Variants in DLGAP4 observed in about 807,000 individuals in gnomAD.
DLGAP4 encodes DLG associated protein 4, also known as disks large-associated protein 4.
A neutral mutation model predicts 86.9 loss-of-function variants in DLGAP4; 18 were observed. The observed-to-expected ratio is 0.21, with a 90% CI of 0.14 to 0.31. DLGAP4 has a LOEUF of 0.31. Among genes scored for constraint, DLGAP4 ranks in the 10% least tolerant of loss-of-function variants. The pLI, the probability that DLGAP4 is intolerant of heterozygous loss-of-function variation, is 1.00. For synonymous variants in DLGAP4, 548 were observed against 574.3 expected, an observed-to-expected ratio of 0.95 and a Z score of 0.65; for missense variants, 1,085 against 1,362.6, an observed-to-expected ratio of 0.80 and a Z score of 3.21.
chr20:36,386,512 A>G (rs2031603715), intron 2 of DLGAP4, among the ~76,000 whole-genome samples: 1 of 151,976 alleles, frequency 6.6e-6, no homozygotes, highest in Non-Finnish European at 1.5e-5. Context: ...AAAGAAGGAA[A>G]TACTAAAAGG....
At chr20:36,481,711 G>T (rs2035194207) in intron 7 of DLGAP4, among the ~76,000 whole-genome samples, 1 of 152,182 alleles carries the variant, frequency 6.6e-6, no homozygotes, top group South Asian at 2.1e-4. Context: ...GAATGGGGTG[G>T]AGTTGAGACT....
chr20:36,330,221 G>A (rs2065253839), intron 1 of DLGAP4, among the ~76,000 whole-genome samples: 1 of 152,290 alleles, frequency 6.6e-6, no homozygotes. Flanking sequence ...GCCTTTGAAG[G>A]AGTGAGGAGC....
chr20:36,378,624 A>G (rs1569478577), intron 2 of DLGAP4, among the ~76,000 whole-genome samples: 2 of 151,954 alleles, frequency 1.3e-5, no homozygotes, highest in African/African-American at 2.4e-5. Context: ...AGACACACGC[A>G]CATGCATGCA....
chr20:36,525,248 AAAAAAAC>A lies in DLGAP4; in HGVS notation c.2605-599_2605-593del, dbSNP rs1569527319. Among the ~76,000 whole-genome samples the A allele has an allele frequency of 2.4e-3, 176 of 72,672 alleles. 30 individuals are homozygous for A. The highest frequency in any genetic ancestry group is 7.8e-3 in the Admixed American group (50 of 6,428). The allele number at this position is 72,672 out of a possible 152,430, so 47.7% of individuals were successfully genotyped here. ...AAAAAAAAAAAAAAAAAAAAAAAAA[AAAAAAAC>A]AAAGAAATCCCACTGCTGGGATTGG... On this transcript the variant is annotated intron_variant, in intron 11 of 12. Coordinates refer to ENST00000339266, the MANE Select transcript of DLGAP4 (RefSeq NM_001365621.2).
intron 2 of DLGAP4, among the ~76,000 whole-genome samples, chr20:36,388,947 G>T (rs1306620294): frequency 4.6e-5 from 7 of 152,192 alleles, no homozygotes; most frequent in African/African-American, 1.7e-4. Flanking sequence ...AAACTAGGAT[G>T]ACAGGATTTG....
intron 1 of DLGAP4, among the ~76,000 whole-genome samples, chr20:36,330,163 GA>G (rs1253101912): frequency 6.6e-6 from 1 of 152,076 alleles, no homozygotes; most frequent in East Asian, 1.9e-4. Context: ...TTTGTAACAA[GA>G]AAAAAATGAC....
At chr20:36,322,404 G>A (rs76239224) in intron 1 of DLGAP4, among the ~76,000 whole-genome samples, 3,233 of 152,240 alleles carry the variant, frequency 0.021, 53 homozygotes, top group Non-Finnish European at 0.035. Flanking sequence ...GTGGGTTGTG[G>A]CGCCAGAAGG....
chr20:36,478,703 C>T (rs997570524), intron 7 of DLGAP4, among the ~76,000 whole-genome samples: 1 of 152,138 alleles, frequency 6.6e-6, no homozygotes, highest in Non-Finnish European at 1.5e-5. Context: ...ATTTTTACTA[C>T]TTGTGAGGCT....
chr20:36,389,207 G>C (rs2031705635), intron 2 of DLGAP4, among the ~76,000 whole-genome samples: 1 of 152,192 alleles, frequency 6.6e-6, no homozygotes, highest in African/African-American at 2.4e-5. Context: ...TTCCAGGCCT[G>C]ATGTGTCAAT....
chr20:36,398,509 A>C (rs962202785), intron 2 of DLGAP4, among the ~76,000 whole-genome samples: 15 of 152,170 alleles, frequency 9.9e-5, no homozygotes, highest in African/African-American at 3.6e-4. Context: ...ATGAGAGAAG[A>C]TATTACTAAC....
intron 2 of DLGAP4, among the ~76,000 whole-genome samples, chr20:36,406,914 TAGG>T (rs1247518798): frequency 6.6e-6 from 1 of 152,088 alleles, no homozygotes; most frequent in East Asian, 1.9e-4. Context: ...TGTAGTGAGT[TAGG>T]GGCCCGATGA....
At chr20:36,332,535 G>T (rs902113975) in intron 1 of DLGAP4, among the ~76,000 whole-genome samples, 1 of 151,708 alleles carries the variant, frequency 6.6e-6, no homozygotes, top group Non-Finnish European at 1.5e-5. Flanking sequence ...GACTACAGGC[G>T]CCCGCCACTG....
intron 1 of DLGAP4, among the ~76,000 whole-genome samples, chr20:36,328,692 G>A (rs1332995703): frequency 2.0e-5 from 3 of 151,766 alleles, no homozygotes; most frequent in Non-Finnish European, 2.9e-5. Flanking sequence ...GCAGTGGTGC[G>A]ATTTCGTCTC....
chr20:36,377,499 G>A (rs1003270159), intron 2 of DLGAP4, among the ~76,000 whole-genome samples: 3 of 152,168 alleles, frequency 2.0e-5, no homozygotes, highest in Non-Finnish European at 4.4e-5. Flanking sequence ...GCAAGCGCTC[G>A]GTGAATGGTG....
At chr20:36,499,736 C>A in intron 9 of DLGAP4, 60 bp downstream of exon 9, 2 of 1,447,496 alleles carry the variant, frequency 1.4e-6, no homozygotes, top group Non-Finnish European at 1.9e-6. Flanking sequence ...TCCGCTCTCA[C>A]CTCTCCTGCT....
chr20:36,465,091 A>G (rs565637175), intron 7 of DLGAP4, among the ~76,000 whole-genome samples: 1 of 152,174 alleles, frequency 6.6e-6, no homozygotes, highest in East Asian at 1.9e-4. Flanking sequence ...AATAAATGTG[A>G]ACTTTCCCTT....
chr20:36,439,841 C>T lies in DLGAP4; in HGVS notation c.1329C>T (p.Ser443=), dbSNP rs762983600. The T allele has an allele frequency of 1.2e-6, 2 of 1,613,632 alleles. No homozygotes were observed. Among genetic ancestry groups the T allele is most frequent in the Non-Finnish European group, 1.7e-6 (2 of 1,179,986 alleles). Residue 443 remains serine, a synonymous_variant, in exon 5 of 13, where the codon AGC becomes AGT. Coordinates refer to ENST00000339266, the MANE Select transcript of DLGAP4 (RefSeq NM_001365621.2). ...WEEDYTPVSD[S]LNDSSCISQI... The stretch of plus-strand genomic sequence containing the variant: ...AGGACTACACCCCCGTCAGCGACAG[C>T]CTCAACGACTCCAGCTGCATCAGCC...
intron 7 of DLGAP4, among the ~76,000 whole-genome samples, chr20:36,476,687 A>ATT (rs74173983): frequency 0.18 from 16,335 of 90,616 alleles, 1,538 homozygotes; most frequent in Non-Finnish European, 0.23. Context: ...CACTAGCCCA[A>ATT]TTTTTTTTTT....
intron 1 of DLGAP4, among the ~76,000 whole-genome samples, chr20:36,309,131 G>A (rs1450843799): frequency 6.6e-5 from 10 of 151,992 alleles, no homozygotes; most frequent in Admixed American, 5.2e-4. Flanking sequence ...CTTCTCCCAC[G>A]TGCCTGTTTC....
Sources: gnomAD v4.1 joint callset for allele counts (sites outside exome capture counted in the v4.1 genomes callset) on GRCh38, gnomAD v4.1.1 for gene constraint, MANE v1.5 for transcripts, NCBI Gene and HGNC (gene_info 2026-07-23, HGNC 2026-07-21) for gene names.